The following UNC5C variants were observed in gnomAD, a reference collection of about 807,000 sequenced individuals.
UNC5C encodes unc-5 netrin receptor C, also known as netrin receptor UNC5C.
A neutral mutation model predicts 99.8 loss-of-function variants in UNC5C; 47 were observed. The ratio of observed to expected loss-of-function variants is 0.47; its 90% CI spans 0.37 to 0.60. The LOEUF (loss-of-function observed/expected upper bound fraction) is 0.60. Among genes scored for constraint, UNC5C ranks in the 20% least tolerant of loss-of-function variants. The pLI is 0.00. For missense variants in UNC5C, 1,062 were observed against 1,165.9 expected, an observed-to-expected ratio of 0.91 and a Z score of 1.30; for synonymous variants, 487 against 452.2, an observed-to-expected ratio of 1.08 and a Z score of -0.98.
At chr4:95,436,965 A>G (rs956422278) in intron 1 of UNC5C, among the ~76,000 whole-genome samples, 1 of 149,946 alleles carries the variant, frequency 6.7e-6, no homozygotes, top group Non-Finnish European at 1.5e-5. Flanking sequence ...CCTTTAATCG[A>G]ACATAGATTT....
chr4:95,394,112 C>G (rs1745440843), intron 1 of UNC5C, among the ~76,000 whole-genome samples: 2 of 152,110 alleles, frequency 1.3e-5, no homozygotes, highest in African/African-American at 4.8e-5. Context: ...TACTAAAGCT[C>G]ATACTGTGAA....
At chr4:95,370,947 T>C (rs1744729618) in intron 1 of UNC5C, among the ~76,000 whole-genome samples, 1 of 152,238 alleles carries the variant, frequency 6.6e-6, no homozygotes, top group South Asian at 2.1e-4. Context: ...TAAGCTTGTC[T>C]TGACGTTGTT....
In UNC5C at chr4:95,193,154, A is replaced by G. The variant is rs563728052; in HGVS notation, c.2137-7958T>C. Among the ~76,000 whole-genome samples, 13 of 152,328 alleles carry G rather than the reference A, an allele frequency of 8.5e-5. No homozygotes were observed. In the South Asian group the frequency reaches 2.7e-3, roughly 32 times the overall value. ...CCAGGCAGTCTTCATGTTTGAGAGA[A>G]ACACAGAACCATGCATTGGCTGGAT... On this transcript the variant is annotated intron_variant, in intron 12 of 15. Transcript: ENST00000453304.
chr4:95,363,154 G>A, intron 1 of UNC5C, among the ~76,000 whole-genome samples: 1 of 152,126 alleles, frequency 6.6e-6, no homozygotes, highest in African/African-American at 2.4e-5. Flanking sequence ...ATTTTTTAAT[G>A]AGCTGATTAT....
chr4:95,311,707 C>G (rs1742283496), intron 2 of UNC5C, among the ~76,000 whole-genome samples: 1 of 152,230 alleles, frequency 6.6e-6, no homozygotes, highest in South Asian at 2.1e-4. Context: ...TACTATGTGA[C>G]AAGAACTTTT....
chr4:95,428,780 T>C lies in UNC5C; in HGVS notation c.125-93149A>G, dbSNP rs1560829446. 2.6e-5 allele frequency among the ~76,000 whole-genome samples: 4 copies of C among 152,110 alleles called. No homozygotes were observed. The South Asian group carries it at 8.3e-4, about 31-fold the overall frequency. ...GCAGACTACTTTTTTGCAAAGTCCT[T>C]TGTGATCTTCTTAAGCCCATCTATT... On this transcript the variant is annotated intron_variant, in intron 1 of 15. Transcript: ENST00000453304.
chr4:95,390,967 A>G (rs1185917779), intron 1 of UNC5C, among the ~76,000 whole-genome samples: 1 of 152,144 alleles, frequency 6.6e-6, no homozygotes, highest in Middle Eastern at 3.2e-3. Flanking sequence ...ATGTTGTGGG[A>G]GGGACCAGGT....
In UNC5C at chr4:95,529,828, A is replaced by C. The variant is rs369805441; in HGVS notation, c.124+18906T>G. 4.6e-4 allele frequency among the ~76,000 whole-genome samples: 70 copies of C among 152,318 alleles called. 1 individual carries two copies. In the East Asian group the frequency reaches 0.014, roughly 29 times the overall value. ...CTACATAAACTGTGTGCCTAATGTC[A>C]GGCTTAGTTTAATTTACTTGACAAT... On this transcript the variant is annotated intron_variant, in intron 1 of 15. Coordinates refer to ENST00000453304, the MANE Select transcript of UNC5C (RefSeq NM_003728.4).
chr4:95,193,948 G>A (rs1215536363), intron 12 of UNC5C, among the ~76,000 whole-genome samples: 4 of 151,692 alleles, frequency 2.6e-5, no homozygotes, highest in African/African-American at 9.8e-5. Flanking sequence ...AGGGTGCTCT[G>A]CTCTCCCCCT....
intron 4 of UNC5C, among the ~76,000 whole-genome samples, chr4:95,268,126 T>C (rs1247757546): frequency 6.6e-6 from 1 of 151,182 alleles, no homozygotes; most frequent in Non-Finnish European, 1.5e-5. Flanking sequence ...ATTTTTTGCA[T>C]TTTTTTTAGT....
chr4:95,352,571 G>T (rs1203126347), intron 1 of UNC5C, among the ~76,000 whole-genome samples: 1 of 151,854 alleles, frequency 6.6e-6, no homozygotes, highest in Non-Finnish European at 1.5e-5. Flanking sequence ...CAGAAACTTT[G>T]TCCATTTTGT....
chr4:95,479,474 A>G (rs189662566), intron 1 of UNC5C, among the ~76,000 whole-genome samples: 29 of 152,098 alleles, frequency 1.9e-4, no homozygotes, highest in African/African-American at 6.3e-4. Context: ...AAACCACAAC[A>G]GTGGGTAGAA....
intron 1 of UNC5C, among the ~76,000 whole-genome samples, chr4:95,461,460 G>T (rs1047835485): frequency 6.6e-6 from 1 of 150,462 alleles, no homozygotes; most frequent in Non-Finnish European, 1.5e-5. Flanking sequence ...ATTATTGTTG[G>T]CTTGTCTAAA....
chr4:95,339,427 A>G (rs1743472587), intron 1 of UNC5C, among the ~76,000 whole-genome samples: 1 of 152,188 alleles, frequency 6.6e-6, no homozygotes, highest in East Asian at 1.9e-4. Flanking sequence ...TGAGATCAGT[A>G]CCTTCAATTC....
intron 1 of UNC5C, among the ~76,000 whole-genome samples, chr4:95,515,775 A>G (rs1430262324): frequency 6.6e-6 from 1 of 152,210 alleles, no homozygotes; most frequent in African/African-American, 2.4e-5. Context: ...TTTGGCACAC[A>G]AACAACAATT....
chr4:95,476,930 G>T (rs962955117), intron 1 of UNC5C, among the ~76,000 whole-genome samples: 1 of 151,992 alleles, frequency 6.6e-6, no homozygotes, highest in African/African-American at 2.4e-5. Flanking sequence ...AACCTTGTAT[G>T]GGGAGAAAGA....
chr4:95,281,214 G>A (rs189092688), intron 3 of UNC5C, among the ~76,000 whole-genome samples: 2 of 152,270 alleles, frequency 1.3e-5, no homozygotes, highest in South Asian at 2.1e-4. Context: ...ATCACAAAAT[G>A]AGGGCTAAGA....
At chr4:95,246,005 A>G (rs1393150088) in intron 5 of UNC5C, among the ~76,000 whole-genome samples, 2 of 152,220 alleles carry the variant, frequency 1.3e-5, no homozygotes, top group Non-Finnish European at 2.9e-5. Flanking sequence ...TGTATTAGCC[A>G]TTCAAGTAAC....
chr4:95,207,378 G>A (rs1737919781), intron 10 of UNC5C, among the ~76,000 whole-genome samples: 1 of 152,130 alleles, frequency 6.6e-6, no homozygotes, highest in African/African-American at 2.4e-5. Context: ...AACTTAAAAT[G>A]AGATCTCTTG....
Sources: gnomAD v4.1 joint callset for allele counts (sites outside exome capture counted in the v4.1 genomes callset) on GRCh38, gnomAD v4.1.1 for gene constraint, MANE v1.5 for transcripts, NCBI Gene and HGNC (gene_info 2026-07-23, HGNC 2026-07-21) for gene names.